Variants in RHOBTB1 observed in about 807,000 individuals in gnomAD.
RHOBTB1 encodes rho-related BTB domain-containing protein 1.
In RHOBTB1, 40 loss-of-function variants were observed where a neutral mutation model predicts 71.6. That is an observed-to-expected ratio of 0.56 (90% confidence interval 0.43 to 0.73). The LOEUF (loss-of-function observed/expected upper bound fraction) is 0.73, where lower values mean the gene tolerates loss of function less well. Among genes scored for constraint, RHOBTB1 ranks in the 30% least tolerant of loss-of-function variants. RHOBTB1 has a pLI of 0.00. For missense variants in RHOBTB1, 797 were observed against 894.0 expected (o/e 0.89, Z 1.38); for synonymous variants, 319 against 334.9 (o/e 0.95, Z 0.52).
At chr10:60,863,624 C>T in the RHOBTB1 span, among the ~76,000 whole-genome samples, 1 of 152,086 alleles carries the variant, frequency 6.6e-6, no homozygotes, top group Non-Finnish European at 1.5e-5. Flanking sequence ...CCTCTGCCTC[C>T]CAGGTTCAAG....
At chr10:60,960,631 T>C (rs1000358418) in intron 2 of RHOBTB1, among the ~76,000 whole-genome samples, 2 of 152,174 alleles carry the variant, frequency 1.3e-5, no homozygotes, top group Admixed American at 6.5e-5. Flanking sequence ...TTGGATCATG[T>C]CCCCACCATA....
At chr10:60,937,357 C>A (rs1316779085) in intron 2 of RHOBTB1, among the ~76,000 whole-genome samples, 2 of 152,114 alleles carry the variant, frequency 1.3e-5, no homozygotes, top group Non-Finnish European at 2.9e-5. Context: ...AAAACAGGAG[C>A]AGCATACCTC....
chr10:60,888,433 C>T lies in RHOBTB1; in HGVS notation c.1235G>A (p.Arg412Gln), dbSNP rs749464528. The T allele has an allele frequency of 7.2e-5, 116 of 1,614,022 alleles. No homozygotes were observed. Among genetic ancestry groups the T allele is most frequent in the South Asian group, 1.3e-4 (12 of 91,084 alleles). ...CGTATAAAGAAACTGGAGCAGGGTCCGAAAAGGGCCTGGCTGGACTGAAGC... is the reference window on the plus strand; with the variant it reads ...CGTATAAAGAAACTGGAGCAGGGTCTGAAAAGGGCCTGGCTGGACTGAAGC... Reference protein sequence around the residue: ...MDASVQPGPFRTLLQFLYTGQ... With the variant: ...MDASVQPGPFQTLLQFLYTGQ... The change falls in exon 6 of 11, where the codon CGG (arginine) becomes CAG (glutamine). Residue 412 changes from arginine (R) to glutamine (Q), a missense_variant. This residue lies in a region of RHOBTB1 where 658 missense variants were observed against 681.5 expected (regional missense o/e 0.97). Coordinates refer to ENST00000337910, the MANE Select transcript of RHOBTB1 (RefSeq NM_014836.5).
rs1488193046 is a variant in RHOBTB1 at position 60,937,732 on chromosome 10, C to A, written c.-11+4072G>T. ...GAGAGACCACTCGGCCTGTTGTGTT[C>A]AAGAAAAAAAGGTTCCTATAACCAT... On this transcript the variant is annotated intron_variant, in intron 2 of 10. Coordinates refer to ENST00000337910, the MANE Select transcript of RHOBTB1 (RefSeq NM_014836.5). Among the ~76,000 whole-genome samples the A allele has an allele frequency of 2.6e-5, 4 of 151,630 alleles. No homozygotes were observed. In the South Asian group the frequency reaches 6.2e-4, roughly 24 times the overall value.
chr10:60,904,817 T>C (rs1404894318), intron 4 of RHOBTB1, among the ~76,000 whole-genome samples: 2 of 152,248 alleles, frequency 1.3e-5, no homozygotes, highest in Non-Finnish European at 1.5e-5. Context: ...TTGGTTCAAA[T>C]TGCTGCTTTT....
chr10:60,863,356 T>A, the RHOBTB1 span, among the ~76,000 whole-genome samples: 1 of 152,234 alleles, frequency 6.6e-6, no homozygotes, highest in Admixed American at 6.5e-5. Flanking sequence ...ATTGTTTTTT[T>A]TTGTTTTTAC....
Position 60,869,873 on chromosome 10 carries a change from T to C in RHOBTB1, c.*1609A>G, listed in dbSNP as rs760509869. On this transcript the variant is annotated 3_prime_UTR_variant, in exon 11 of 11. Transcript: ENST00000337910. ...ATGCATTTCTGGGCCTCTCCTAAGA[T>C]CTTCTATCTGGTGTTTCCACTGCCA... 1.3e-5 allele frequency: 2 copies of C among 152,646 alleles called. No individual in the cohort carries two copies. The highest frequency in any genetic ancestry group is 2.9e-5 in the Non-Finnish European group (2 of 68,038). The allele number at this position is 152,646 out of a possible 1,614,324, so 9.5% of individuals were successfully genotyped here. A position where few individuals can be genotyped will look rare whatever the true frequency, so the allele number is the denominator to read the frequency against.
At chr10:60,934,767 A>G (rs561073408) in intron 2 of RHOBTB1, among the ~76,000 whole-genome samples, 1 of 152,150 alleles carries the variant, frequency 6.6e-6, no homozygotes, top group African/African-American at 2.4e-5. Flanking sequence ...TCTCATCCCT[A>G]TTTAGAGAGA....
At chr10:60,913,653 TC>T (rs2083112154) in intron 2 of RHOBTB1, among the ~76,000 whole-genome samples, 1 of 152,070 alleles carries the variant, frequency 6.6e-6, no homozygotes, top group African/African-American at 2.4e-5. Flanking sequence ...GAGTTCTGCT[TC>T]TAGTGGGTAG....
At chr10:60,961,446 C>T (rs1166737770) in intron 2 of RHOBTB1, among the ~76,000 whole-genome samples, 1 of 152,092 alleles carries the variant, frequency 6.6e-6, no homozygotes, top group Non-Finnish European at 1.5e-5. Context: ...AATAATAACA[C>T]CATTGTGAAT....
chr10:60,922,750 T>C (rs1010681822), intron 2 of RHOBTB1, among the ~76,000 whole-genome samples: 5 of 152,214 alleles, frequency 3.3e-5, no homozygotes, highest in Admixed American at 2.0e-4. Flanking sequence ...TTGCTGAGGA[T>C]GGACCAGGTA....
intron 2 of RHOBTB1, among the ~76,000 whole-genome samples, chr10:60,952,338 T>A (rs2085441469): frequency 6.6e-6 from 1 of 152,132 alleles, no homozygotes; most frequent in Admixed American, 6.5e-5. Flanking sequence ...GTGCACATGA[T>A]AATAATAAAC....
At chr10:60,914,872 AAGTGACTGCCAAAGGTGCTG>A (rs2083186209) in intron 2 of RHOBTB1, among the ~76,000 whole-genome samples, 1 of 152,234 alleles carries the variant, frequency 6.6e-6, no homozygotes, top group Non-Finnish European at 1.5e-5. Context: ...CTCCAGACCA[AAGTGACTGCCAAAGGTGCTG>A]ACCCTTGTGC....
At chr10:60,884,095 C>G (rs1391165758) in intron 7 of RHOBTB1, among the ~76,000 whole-genome samples, 3 of 152,134 alleles carry the variant, frequency 2.0e-5, no homozygotes, top group Admixed American at 1.3e-4. Context: ...AGCAGATAGC[C>G]TTTTGCTGGG....
At chr10:60,944,683 G>A (rs1317532496), upstream of RHOBTB1, among the ~76,000 whole-genome samples, 1 of 152,176 alleles carries the variant, frequency 6.6e-6, no homozygotes, top group Non-Finnish European at 1.5e-5. Flanking sequence ...CCCCCTAGGA[G>A]CTGACCGGCC....
intron 2 of RHOBTB1, among the ~76,000 whole-genome samples, chr10:60,917,731 G>C (rs570167136): frequency 6.6e-4 from 101 of 152,068 alleles, no homozygotes; most frequent in African/African-American, 2.2e-3. Context: ...TATGAATTGG[G>C]GGAGGGGGCA....
intron 1 of RHOBTB1, among the ~76,000 whole-genome samples, chr10:60,986,514 A>G (rs1320292879): frequency 6.7e-6 from 1 of 149,316 alleles, no homozygotes; most frequent in African/African-American, 2.5e-5. Context: ...TTGGTAATTT[A>G]GGTGAAAGGA....
At chr10:60,923,837 C>T (rs138240504) in intron 2 of RHOBTB1, among the ~76,000 whole-genome samples, 64 of 152,264 alleles carry the variant, frequency 4.2e-4, no homozygotes, top group African/African-American at 1.4e-3. Flanking sequence ...TCCTTGTCTG[C>T]CTCTCACCTT....
Position 60,872,296 on chromosome 10 carries a change from G to A in RHOBTB1, c.1816-6C>T, listed in dbSNP as rs377274271. 1.2e-5 allele frequency: 20 copies of A among 1,608,426 alleles called. No individual in the cohort carries two copies. The African/African-American group carries it at 2.5e-4, about 20-fold the overall frequency. On this transcript the variant is annotated splice_polypyrimidine_tract_variant and splice_region_variant and intron_variant, in intron 9 of 10. Coordinates refer to ENST00000337910, the MANE Select transcript of RHOBTB1 (RefSeq NM_014836.5). ...AACTGGTGGGCATTGTGAAACTGCA[G>A]AAAAGTGAGCAAAAGGAGGGTAAGA...
Sources: gnomAD v4.1 joint callset for allele counts (sites outside exome capture counted in the v4.1 genomes callset) on GRCh38, gnomAD v4.1.1 for gene constraint, gnomAD v4.1.1 regional missense constraint, MANE v1.5 for transcripts, NCBI Gene and HGNC (gene_info 2026-07-23, HGNC 2026-07-21) for gene names.